Variants in CEBPG observed in about 807,000 individuals in gnomAD.
CEBPG encodes CCAAT/enhancer-binding protein gamma.
In CEBPG, 6 loss-of-function variants were observed where a neutral mutation model predicts 11.1. The ratio of observed to expected loss-of-function variants is 0.54; its 90% CI spans 0.30 to 1.07. CEBPG has a LOEUF of 1.07. CEBPG is among the 50% of genes least tolerant of loss of function. The pLI is 0.07. For missense variants in CEBPG, 161 were observed against 187.4 expected, an observed-to-expected ratio of 0.86 and a Z score of 0.82; for synonymous variants, 66 against 71.0, an observed-to-expected ratio of 0.93 and a Z score of 0.36.
intron 1 of CEBPG, among the ~76,000 whole-genome samples, chr19:33,377,081 G>C (rs188353978): frequency 3.7e-4 from 57 of 152,308 alleles, no homozygotes; most frequent in Non-Finnish European, 8.1e-4. Context: ...CTAGTACCTT[G>C]CAAGATGAGT....
At position 33,379,830 on chromosome 19, in the gene CEBPG, A is replaced by G; in HGVS notation, c.*138A>G. On this transcript the variant is annotated 3_prime_UTR_variant, in exon 2 of 2. Coordinates refer to ENST00000284000, the MANE Select transcript of CEBPG (RefSeq NM_001806.4). ...TTGGAGGCTATTTTCTGGGATCAGC[A>G]CTGAAGAGTTGATTAGCTAAAAATG... 1.4e-6 allele frequency: 1 copy of G among 725,286 alleles called. No individual in the cohort carries two copies. Among genetic ancestry groups the G allele is most frequent in the Non-Finnish European group, 2.2e-6 (1 of 450,696 alleles). 44.9% of individuals were successfully genotyped at this position (725,286 alleles called of 1,614,324 possible). A position where few individuals can be genotyped will look rare whatever the true frequency, so the allele number is the denominator to read the frequency against.
chr19:33,376,162 A>G (rs1236936616), intron 1 of CEBPG, among the ~76,000 whole-genome samples: 1 of 152,156 alleles, frequency 6.6e-6, no homozygotes, highest in Non-Finnish European at 1.5e-5. Flanking sequence ...GTTGACCTTC[A>G]TTGAGGAAAT....
intron 1 of CEBPG, among the ~76,000 whole-genome samples, 173 bp from the exon 2 acceptor site, chr19:33,378,971 T>TAA (rs1345828739): frequency 6.6e-6 from 1 of 152,238 alleles, no homozygotes; most frequent in Non-Finnish European, 1.5e-5. Flanking sequence ...TGTGCTTACT[T>TAA]ACCTTTCTAA....
intron 1 of CEBPG, among the ~76,000 whole-genome samples, chr19:33,377,426 A>G (rs1967924610): frequency 6.6e-6 from 1 of 152,230 alleles, no homozygotes; most frequent in Admixed American, 6.5e-5. Flanking sequence ...TAAAGGCTAA[A>G]AATATAATTG....
chr19:33,374,004 A>G (rs1473687645), intron 1 of CEBPG, 109 bp downstream of exon 1: 1 of 150,406 alleles, frequency 6.6e-6, no homozygotes, highest in Non-Finnish European at 1.5e-5. Context: ...CCCCGGCCCC[A>G]GACGGCCCGC....
At chr19:33,378,793 A>T (rs1306110631) in intron 1 of CEBPG, among the ~76,000 whole-genome samples, 2 of 152,156 alleles carry the variant, frequency 1.3e-5, no homozygotes, top group Non-Finnish European at 2.9e-5. Flanking sequence ...TGTCTCTCCT[A>T]CTACAGTCAG....
Position 33,377,603 on chromosome 19 carries a change from T to C in CEBPG, c.-96-1541T>C, listed in dbSNP as rs562891018. On this transcript the variant is annotated intron_variant, in intron 1 of 1. Transcript: ENST00000284000. ...TGGCACTAAATGTGGCTCAGATTAA[T>C]ACTAAACAGCCACTTTTCTACTGGA... Among the ~76,000 whole-genome samples, 24 of 152,328 alleles carry C rather than the reference T, an allele frequency of 1.6e-4. No homozygotes were observed. In the South Asian group the frequency reaches 4.6e-3, roughly 29 times the overall value.
At chr19:33,377,062 A>G (rs904092968) in intron 1 of CEBPG, among the ~76,000 whole-genome samples, 2 of 152,216 alleles carry the variant, frequency 1.3e-5, no homozygotes, top group African/African-American at 4.8e-5. Context: ...CCTACCACAC[A>G]CGTTCAGCCT....
intron 1 of CEBPG, among the ~76,000 whole-genome samples, 178 bp downstream of exon 1, chr19:33,374,073 A>T (rs1237221686): frequency 6.7e-6 from 1 of 150,004 alleles, no homozygotes; most frequent in South Asian, 2.1e-4. Context: ...GCGGCGTCTG[A>T]TGCAACCTGC....
Position 33,379,197 on chromosome 19 carries a change from T to C in CEBPG, c.-43T>C, listed in dbSNP as rs775374173. 4.7e-6 allele frequency: 7 copies of C among 1,491,012 alleles called. No homozygotes were observed. Among genetic ancestry groups the C allele is most frequent in the South Asian group, 1.4e-5 (1 of 70,432 alleles). 92.4% of individuals were successfully genotyped at this position (1,491,012 alleles called of 1,614,324 possible). A position where few individuals can be genotyped will look rare whatever the true frequency, so the allele number is the denominator to read the frequency against. ...GCGTGGAAACCATTGATCACCCTGC[T>C]CTCATTTCTACCTGTTCTGTGTTGG... On this transcript the variant is annotated 5_prime_UTR_variant, in exon 2 of 2. Transcript: ENST00000284000.
Position 33,379,752 on chromosome 19 carries a change from C to A in CEBPG, c.*60C>A. On this transcript the variant is annotated 3_prime_UTR_variant, in exon 2 of 2. Coordinates refer to ENST00000284000, the MANE Select transcript of CEBPG (RefSeq NM_001806.4). ...TGAATGTTAAAGGTGTGACCACCGA[C>A]ACCACTCATGTCAATGGCTGAAAGT... 1.4e-6 allele frequency: 2 copies of A among 1,442,210 alleles called. No individual in the cohort carries two copies. The highest frequency in any genetic ancestry group is 1.9e-6 in the Non-Finnish European group (2 of 1,064,246). 89.3% of individuals were successfully genotyped at this position (1,442,210 alleles called of 1,614,324 possible). A position where few individuals can be genotyped will look rare whatever the true frequency, so the allele number is the denominator to read the frequency against.
chr19:33,374,885 T>A (rs374485994), intron 1 of CEBPG, among the ~76,000 whole-genome samples: 1 of 152,304 alleles, frequency 6.6e-6, no homozygotes, highest in African/African-American at 2.4e-5. Context: ...GAAATGTGAC[T>A]CCCAGAGAAA....
chr19:33,375,915 A>T (rs971626147), intron 1 of CEBPG, among the ~76,000 whole-genome samples: 7 of 152,138 alleles, frequency 4.6e-5, no homozygotes, highest in African/African-American at 1.7e-4. Context: ...CAGGAGAATG[A>T]CTCACTCAGG....
In CEBPG at chr19:33,382,281, T is replaced by G. The variant is rs1968000084; in HGVS notation, c.*2589T>G. The G allele has an allele frequency of 6.0e-6, 1 of 167,136 alleles. No homozygotes were observed. The highest frequency in any genetic ancestry group is 2.4e-5 in the African/African-American group (1 of 41,462). The allele number at this position is 167,136 out of a possible 1,614,324, so 10.4% of individuals were successfully genotyped here. On this transcript the variant is annotated 3_prime_UTR_variant, in exon 2 of 2. Coordinates refer to ENST00000284000, the MANE Select transcript of CEBPG (RefSeq NM_001806.4). ...AGTGCAGATCACTAAGTAGTAAGAT[T>G]TTAATCAAACACGACCAGGTCCGAA...
chr19:33,379,165 C>G lies in CEBPG; in HGVS notation c.-75C>G. 7.4e-7 allele frequency: 1 copy of G among 1,347,766 alleles called. No individual in the cohort carries two copies. 83.5% of individuals were successfully genotyped at this position (1,347,766 alleles called of 1,614,324 possible). ...CTAGGTACATGTGAAGATTTTTTGGCAGCTTAGCGTGGAAACCATTGATCA... is the reference window on the plus strand; with the variant it reads ...CTAGGTACATGTGAAGATTTTTTGGGAGCTTAGCGTGGAAACCATTGATCA... On this transcript the variant is annotated 5_prime_UTR_variant, in exon 2 of 2. Coordinates refer to ENST00000284000, the MANE Select transcript of CEBPG (RefSeq NM_001806.4).
chr19:33,382,120 G>A lies in CEBPG; in HGVS notation c.*2428G>A, dbSNP rs1208618574. On this transcript the variant is annotated 3_prime_UTR_variant, in exon 2 of 2. Transcript: ENST00000284000. Reference sequence around the variant, plus strand: ...GTGGGCAGGTCCAGCATAGTTAGGAGTTAGGCTTTAGCATAAATTTCTAGC... The same window carrying A: ...GTGGGCAGGTCCAGCATAGTTAGGAATTAGGCTTTAGCATAAATTTCTAGC... 1 of 167,130 alleles carries A rather than the reference G, an allele frequency of 6.0e-6. No homozygotes were observed. The highest frequency in any genetic ancestry group is 1.5e-5 in the Non-Finnish European group (1 of 68,144). 10.4% of individuals were successfully genotyped at this position (167,130 alleles called of 1,614,324 possible). A position where few individuals can be genotyped will look rare whatever the true frequency, so the allele number is the denominator to read the frequency against.
rs745852714 is a variant in CEBPG at position 33,379,192 on chromosome 19, C to T, written c.-48C>T. The T allele has an allele frequency of 2.7e-6, 4 of 1,477,630 alleles. No individual in the cohort carries two copies. Among genetic ancestry groups the T allele is most frequent in the Admixed American group, 4.9e-5 (2 of 40,586 alleles). 91.5% of individuals were successfully genotyped at this position (1,477,630 alleles called of 1,614,324 possible). ...GCTTAGCGTGGAAACCATTGATCAC[C>T]CTGCTCTCATTTCTACCTGTTCTGT... On this transcript the variant is annotated 5_prime_UTR_variant, in exon 2 of 2. Transcript: ENST00000284000.
intron 1 of CEBPG, among the ~76,000 whole-genome samples, chr19:33,378,131 G>T (rs554164768): frequency 2.0e-5 from 3 of 152,370 alleles, no homozygotes; most frequent in East Asian, 3.9e-4. Context: ...TGATAGGATA[G>T]TCACACTTTT....
At position 33,374,362 on chromosome 19, in the gene CEBPG, G is replaced by C. The variant is rs550990011; in HGVS notation, c.-97+467G>C. ...AATCCTGATCTTCTAGAAGGGCTCA[G>C]CTTGCGGTGATCGAAAATCTGTTCA... On this transcript the variant is annotated intron_variant, in intron 1 of 1. Coordinates refer to ENST00000284000, the MANE Select transcript of CEBPG (RefSeq NM_001806.4). The C allele has an allele frequency of 4.6e-5, 7 of 152,348 alleles. No individual in the cohort carries two copies. The South Asian group carries it at 1.4e-3, about 32-fold the overall frequency. 9.4% of individuals were successfully genotyped at this position (152,348 alleles called of 1,614,324 possible).
Sources: allele counts gnomAD v4.1 joint callset (sites outside exome capture counted in the v4.1 genomes callset), GRCh38; gene constraint gnomAD v4.1.1; transcripts MANE v1.5; gene names NCBI Gene and HGNC (gene_info 2026-07-23, HGNC 2026-07-21).